SPO11: variants seen among roughly 807,000 people sequenced by gnomAD.
SPO11 encodes the protein meiotic recombination protein SPO11.
In SPO11, 49 loss-of-function variants were observed where a neutral mutation model predicts 51.6. That is an observed-to-expected ratio of 0.95 (90% confidence interval 0.75 to 1.20). The LOEUF is 1.20. SPO11 is among the 50% of genes most tolerant of loss of function. SPO11 has a pLI of 0.00. For missense variants in SPO11, 431 were observed against 473.4 expected (o/e 0.91, Z 0.83); for synonymous variants, 176 against 158.2 (o/e 1.11, Z -0.84).
chr20:57,333,114 CCATAAGTATATATTGTTTGGT>C, intron 2 of SPO11, 53 bp from the exon 3 acceptor site: 2 of 1,082,882 alleles, frequency 1.8e-6, no homozygotes, highest in South Asian at 2.9e-5. Flanking sequence ...GTGCAGAAGA[CCATAAGTATATATTGTTTGGT>C]GTTTAGAAGT....
intron 10 of SPO11, among the ~76,000 whole-genome samples, chr20:57,339,553 A>C (rs2066554634): frequency 6.6e-6 from 1 of 152,172 alleles, no homozygotes; most frequent in Admixed American, 6.5e-5. Flanking sequence ...CTACTGAGCC[A>C]AAATCTCTAG....
intron 1 of SPO11, among the ~76,000 whole-genome samples, chr20:57,331,222 A>G (rs2066445207): frequency 1.3e-5 from 2 of 152,220 alleles, no homozygotes; most frequent in South Asian, 4.1e-4. Flanking sequence ...AATAGCTGCC[A>G]AGTCAACCGT....
chr20:57,333,934 C>T, intron 4 of SPO11, 53 bp from the exon 5 acceptor site: 1 of 1,105,574 alleles, frequency 9.0e-7, no homozygotes, highest in Non-Finnish European at 1.3e-6. Flanking sequence ...TAATACTTGT[C>T]ATATTCAAAA....
At position 57,330,027 on chromosome 20, in the gene SPO11, C is replaced by T. The variant is rs199671760; in HGVS notation, c.131+29C>T. ...CAGGAGCTGGTGCCGAGGCGCGACGCAGCCACTCTGTAGAAAAGTCGGGCG... is the reference window on the plus strand; with the variant it reads ...CAGGAGCTGGTGCCGAGGCGCGACGTAGCCACTCTGTAGAAAAGTCGGGCG... On this transcript the variant is annotated intron_variant, in intron 1 of 12. Transcript: ENST00000371263. The T allele has an allele frequency of 3.9e-5, 60 of 1,550,826 alleles. No individual in the cohort carries two copies. The African/African-American group carries it at 6.9e-4, about 18-fold the overall frequency.
chr20:57,331,710 A>G (rs2066452339), intron 1 of SPO11, 123 bp from the exon 2 acceptor site: 7 of 489,762 alleles, frequency 1.4e-5, no homozygotes, highest in Admixed American at 3.2e-5. Flanking sequence ...CCCCACCCCA[A>G]TTACCTAGTC....
chr20:57,331,873 A>G lies in SPO11; in HGVS notation c.172A>G (p.Ile58Val), dbSNP rs377577002. 1.7e-4 allele frequency: 276 copies of G among 1,608,102 alleles called. No homozygotes were observed. Among genetic ancestry groups the G allele is most frequent in the Non-Finnish European group, 2.3e-4 (271 of 1,177,228 alleles). The change falls in exon 2 of 13, where the codon ATA becomes GTA. Residue 58 changes from isoleucine to valine, a missense_variant. Ile to Val is a conservative substitution (Grantham distance 29, BLOSUM62 3). Transcript: ENST00000371263. ...ATCTATAGAAAATATTATCCAAGAC[A>G]TAATCACAAGCTTGGCAAGAAATGA... ...LASIENIIQD[I>V]ITSLARNEAP...
At chr20:57,343,067 C>T (rs1369012778) in intron 12 of SPO11, among the ~76,000 whole-genome samples, 4 of 152,012 alleles carry the variant, frequency 2.6e-5, no homozygotes, top group Non-Finnish European at 5.9e-5. Flanking sequence ...TGGTTATATA[C>T]ACATTCTTGA....
chr20:57,333,789 T>C (rs751496564), intron 4 of SPO11, 36 bp downstream of exon 4: 1 of 1,225,888 alleles, frequency 8.2e-7, no homozygotes, highest in East Asian at 2.3e-5. Flanking sequence ...CTCTTCAAAA[T>C]GTAATGTGAG....
At chr20:57,331,536 A>C (rs912506383) in intron 1 of SPO11, among the ~76,000 whole-genome samples, 1 of 152,268 alleles carries the variant, frequency 6.6e-6, no homozygotes, top group African/African-American at 2.4e-5. Flanking sequence ...TTAGTCATTA[A>C]TGTAAAAGGG....
rs1600681571 is a variant in SPO11, at chr20:57,335,689, A to G, written c.635-109A>G. On this transcript the variant is annotated intron_variant, in intron 7 of 12. Transcript: ENST00000371263. Reference sequence around the variant, plus strand: ...GTTTATATGTTTGAAGGTACAAACTAAAATGTTGTATCTATAGCTGCTTTT... The same window carrying G: ...GTTTATATGTTTGAAGGTACAAACTGAAATGTTGTATCTATAGCTGCTTTT... 2.2e-5 allele frequency: 16 copies of G among 735,998 alleles called. No homozygotes were observed. In the South Asian group the frequency reaches 2.8e-4, roughly 13 times the overall value. The allele number at this position is 735,998 out of a possible 1,614,324, so 45.6% of individuals were successfully genotyped here.
At position 57,343,499 on chromosome 20, in the gene SPO11, C is replaced by A; in HGVS notation, c.*39C>A. 1 of 1,562,414 alleles carries A rather than the reference C, an allele frequency of 6.4e-7. No homozygotes were observed. The highest frequency in any genetic ancestry group is 8.6e-7 in the Non-Finnish European group (1 of 1,161,134). ...GAACTTCTGATTGCCAGAGGCTTTT[C>A]ATTAGTTTTGTTTTGATTGGCAAAT... On this transcript the variant is annotated 3_prime_UTR_variant, in exon 13 of 13. Transcript: ENST00000371263.
chr20:57,336,212 TCTTC>T (rs2066511267), intron 8 of SPO11, among the ~76,000 whole-genome samples: 1 of 152,156 alleles, frequency 6.6e-6, no homozygotes, highest in African/African-American at 2.4e-5. Flanking sequence ...TCAAAAGCTT[TCTTC>T]CTTGAAAAGC....
Position 57,343,542 on chromosome 20 carries a change from A to G in SPO11, c.*82A>G. On this transcript the variant is annotated 3_prime_UTR_variant, in exon 13 of 13. Coordinates refer to ENST00000371263, the MANE Select transcript of SPO11 (RefSeq NM_012444.3). ...TGGCAAATACTATTGTGGAAAGAAC[A>G]TATATTATATTCTTAATTCTGTAAA... 2 of 1,328,172 alleles carry G rather than the reference A, an allele frequency of 1.5e-6. No homozygotes were observed. Among genetic ancestry groups the G allele is most frequent in the Non-Finnish European group, 1.0e-6 (1 of 976,742 alleles). 82.3% of individuals were successfully genotyped at this position (1,328,172 alleles called of 1,614,324 possible). A position where few individuals can be genotyped will look rare whatever the true frequency, so the allele number is the denominator to read the frequency against.
rs185741379 is a variant in SPO11 at position 57,329,905 on chromosome 20, T to C, written c.38T>C (p.Phe13Ser). Residue 13 changes from phenylalanine to serine, a missense_variant, in exon 1 of 13, where the codon TTC becomes TCC. Phe to Ser is a radical substitution (Grantham distance 155, BLOSUM62 -2). Transcript: ENST00000371263. ...FAPMGPEASFFDVLDRHRESL... is the reference protein window; with the variant it reads ...FAPMGPEASFSDVLDRHRESL... ...CCTATGGGGCCCGAGGCCTCGTTCTTCGACGTTTTGGACCGACACAGGGAG... is the reference window on the plus strand; with the variant it reads ...CCTATGGGGCCCGAGGCCTCGTTCTCCGACGTTTTGGACCGACACAGGGAG... The C allele has an allele frequency of 1.2e-4, 191 of 1,613,916 alleles. No homozygotes were observed. In the East Asian group the frequency reaches 4.0e-3, roughly 34 times the overall value.
At chr20:57,339,957 G>A (rs949104233) in intron 10 of SPO11, 145 bp from the exon 11 acceptor site, 8 of 624,008 alleles carry the variant, frequency 1.3e-5, no homozygotes, top group Admixed American at 1.1e-4. Context: ...GCCCCTGATG[G>A]TTTTCTTACT....
At chr20:57,342,581 C>G (rs1372333454) in intron 11 of SPO11, 148 bp from the exon 12 acceptor site, 1 of 567,170 alleles carries the variant, frequency 1.8e-6, no homozygotes. Flanking sequence ...ATGACAGATC[C>G]CTTCAATCCT....
chr20:57,343,342 TG>T lies in SPO11; in HGVS notation c.1075del (p.Glu359LysfsTer2). ...VTCQPFWRKE[M>X]EIMADSKMKA... ...AGTACATTTTACTTTTATTGACAGA[TG>T]GAAATAATGGCAGACTCTAAAATGA... On this transcript the variant is annotated frameshift_variant and splice_region_variant, in exon 13 of 13. Coordinates refer to ENST00000371263, the MANE Select transcript of SPO11 (RefSeq NM_012444.3). LOFTEE classifies it high-confidence loss of function. The T allele has an allele frequency of 6.2e-7, 1 of 1,606,290 alleles. No individual in the cohort carries two copies. Among genetic ancestry groups the T allele is most frequent in the Non-Finnish European group, 8.5e-7 (1 of 1,177,840 alleles).
At chr20:57,338,671 C>T (rs1649317167) in intron 9 of SPO11, among the ~76,000 whole-genome samples, 1 of 152,050 alleles carries the variant, frequency 6.6e-6, no homozygotes, top group African/African-American at 2.4e-5. Context: ...TCTCGAACTC[C>T]TGACCTCAGG....
Position 57,340,107 on chromosome 20 carries a change from G to A in SPO11, c.888G>A (p.Met296Ile). 6.2e-7 allele frequency: 1 copy of A among 1,607,772 alleles called. No individual in the cohort carries two copies. Among genetic ancestry groups the A allele is most frequent in the Non-Finnish European group, 8.5e-7 (1 of 1,174,338 alleles). The change falls in exon 11 of 13, where the codon ATG (methionine) becomes ATA (isoleucine). Residue 296 changes from methionine (M) to isoleucine (I), a missense_variant. Physicochemically the swap from Met to Ile is conservative, Grantham distance 10. Transcript: ENST00000371263. Reference protein sequence around the residue: ...MCIYKYGSMSMSFEAHHLTVP... With the variant: ...MCIYKYGSMSISFEAHHLTVP... ...ACTTTTGTTCTTTATTTTAGTCTAT[G>A]TCTTTTGAAGCTCATCATCTCACAG...
Sources: allele counts gnomAD v4.1 joint callset (sites outside exome capture counted in the v4.1 genomes callset), GRCh38; gene constraint gnomAD v4.1.1; transcripts MANE v1.5; gene names NCBI Gene and HGNC (gene_info 2026-07-23, HGNC 2026-07-21).